STT3B: variants seen among roughly 807,000 people sequenced by gnomAD.
STT3B encodes the protein dolichyl-diphosphooligosaccharide--protein glycosyltransferase subunit STT3B.
A neutral mutation model predicts 96.8 loss-of-function variants in STT3B; 29 were observed. That is an observed-to-expected ratio of 0.30 (90% CI 0.22 to 0.41). STT3B has a LOEUF of 0.41. Ranked by LOEUF, STT3B falls within the 10% of genes least tolerant of loss-of-function variation. The pLI is 1.00. For missense variants in STT3B, 640 were observed against 1,022.3 expected (o/e 0.63, Z 5.10); for synonymous variants, 367 against 360.0 (o/e 1.02, Z -0.22).
At chr3:31,543,179 C>G (rs1697322808) in intron 1 of STT3B, among the ~76,000 whole-genome samples, 1 of 151,354 alleles carries the variant, frequency 6.6e-6, no homozygotes, top group African/African-American at 2.4e-5. Flanking sequence ...TTTATTAATA[C>G]AAAACAAACT....
chr3:31,626,408 T>C (rs1327821173), intron 13 of STT3B, among the ~76,000 whole-genome samples: 1 of 152,178 alleles, frequency 6.6e-6, no homozygotes, highest in Non-Finnish European at 1.5e-5. Flanking sequence ...ATCCCTTTCT[T>C]TCCATTTCCA....
chr3:31,605,595 G>A (rs1699033066), intron 5 of STT3B, among the ~76,000 whole-genome samples: 1 of 152,144 alleles, frequency 6.6e-6, no homozygotes. Flanking sequence ...TGTAAGATGT[G>A]CCTTTCACCT....
intron 5 of STT3B, among the ~76,000 whole-genome samples, chr3:31,602,555 A>G (rs1021819193): frequency 1.3e-5 from 2 of 152,110 alleles, no homozygotes; most frequent in Non-Finnish European, 2.9e-5. Context: ...AGTATATTCT[A>G]CATAAAAGTT....
intron 5 of STT3B, among the ~76,000 whole-genome samples, chr3:31,601,312 C>T (rs1188920617): frequency 2.0e-5 from 3 of 152,114 alleles, no homozygotes; most frequent in Non-Finnish European, 4.4e-5. Flanking sequence ...AAATGTCTAT[C>T]AGCTTTATGA....
chr3:31,612,894 T>C (rs1699216772), intron 5 of STT3B, among the ~76,000 whole-genome samples: 1 of 152,212 alleles, frequency 6.6e-6, no homozygotes. Context: ...ATATACCTGC[T>C]AGTGATTATT....
Position 31,552,150 on chromosome 3 carries a change from G to T in STT3B, c.314+18838G>T, listed in dbSNP as rs572552023. 2.8e-3 allele frequency among the ~76,000 whole-genome samples: 434 copies of T among 152,286 alleles called. 5 individuals carry two copies. The highest frequency in any genetic ancestry group is 9.9e-3 in the African/African-American group (412 of 41,554). Reference sequence around the variant, plus strand: ...GCTATGATAGAATTAGTATATGTTGGTTTAAGCCACTGAGTTTGTTTAAAA... The same window carrying T: ...GCTATGATAGAATTAGTATATGTTGTTTTAAGCCACTGAGTTTGTTTAAAA... On this transcript the variant is annotated intron_variant, in intron 1 of 15. Coordinates refer to ENST00000295770, the MANE Select transcript of STT3B (RefSeq NM_178862.3).
intron 1 of STT3B, among the ~76,000 whole-genome samples, chr3:31,552,716 C>A (rs1318636955): frequency 6.6e-6 from 1 of 152,182 alleles, no homozygotes; most frequent in Non-Finnish European, 1.5e-5. Flanking sequence ...TAGAAGCCAT[C>A]CACGAGTCCT....
rs2125475838 is a variant in STT3B, at chr3:31,622,295, A to G, written c.1526A>G (p.Asn509Ser). 6.2e-7 allele frequency: 1 copy of G among 1,613,938 alleles called. No homozygotes were observed. The part of the protein sequence containing the change: ...SDEDDKRNQG[N>S]LYDKAGKVRK... ...GAGGATGACAAAAGAAACCAAGGAA[A>G]TTTGTATGATAAGGTGGGGAATCTA... is the stretch of plus-strand genomic sequence containing the variant. The change falls in exon 10 of 16, where the codon AAT becomes AGT. Residue 509 changes from asparagine to serine, a missense_variant. Coordinates refer to ENST00000295770, the MANE Select transcript of STT3B (RefSeq NM_178862.3).
intron 6 of STT3B, among the ~76,000 whole-genome samples, chr3:31,616,251 A>G (rs1415543931): frequency 6.6e-6 from 1 of 151,912 alleles, no homozygotes; most frequent in Non-Finnish European, 1.5e-5. Flanking sequence ...CTGTGTCTTC[A>G]TCTTTTCCTC....
chr3:31,553,029 G>A (rs1697605186), intron 1 of STT3B, among the ~76,000 whole-genome samples: 1 of 150,602 alleles, frequency 6.6e-6, no homozygotes, highest in South Asian at 2.1e-4. Context: ...GTGAACCCGG[G>A]AGGCGGAGCT....
At chr3:31,635,864 G>A in intron 15 of STT3B, 120 bp from the exon 16 acceptor site, 1 of 645,478 alleles carries the variant, frequency 1.5e-6, no homozygotes, top group South Asian at 2.6e-5. Flanking sequence ...AAGGAATCCA[G>A]TCACAAGAAG....
At chr3:31,635,931 T>G in intron 15 of STT3B, 53 bp from the exon 16 acceptor site, 4 of 1,374,208 alleles carry the variant, frequency 2.9e-6, no homozygotes, top group Non-Finnish European at 4.0e-6. Context: ...GTTTATAGAT[T>G]TTTTAATCAG....
intron 9 of STT3B, 47 bp from the exon 10 acceptor site, chr3:31,622,050 G>C (rs755205429): frequency 1.3e-6 from 2 of 1,509,510 alleles, no homozygotes; most frequent in Non-Finnish European, 1.8e-6. Flanking sequence ...TCAGTTTCCT[G>C]GGAACTTTTT....
At chr3:31,588,201 C>G (rs543124322) in intron 3 of STT3B, among the ~76,000 whole-genome samples, 88 of 152,164 alleles carry the variant, frequency 5.8e-4, no homozygotes, top group Admixed American at 9.2e-4. Flanking sequence ...ATACTACTTT[C>G]CAATAGAACT....
At chr3:31,629,489 G>A (rs2125479343) in intron 14 of STT3B, 78 bp downstream of exon 14, 3 of 713,886 alleles carry the variant, frequency 4.2e-6, no homozygotes, top group East Asian at 2.9e-5. Flanking sequence ...TAGAAAACAG[G>A]ATAATGATAT....
chr3:31,575,339 T>C (rs759077535), intron 1 of STT3B, among the ~76,000 whole-genome samples: 17 of 152,098 alleles, frequency 1.1e-4, no homozygotes, highest in Non-Finnish European at 2.1e-4. Context: ...AGAGTTAATA[T>C]AACTCTGGGT....
At chr3:31,559,189 GT>G (rs1697801776) in intron 1 of STT3B, among the ~76,000 whole-genome samples, 1 of 102,750 alleles carries the variant, frequency 9.7e-6, no homozygotes, top group African/African-American at 3.5e-5. Flanking sequence ...GTGTGTGTGT[GT>G]TGTCTCTTTC....
chr3:31,607,241 A>G (rs1263379724), intron 5 of STT3B, among the ~76,000 whole-genome samples: 1 of 151,950 alleles, frequency 6.6e-6, no homozygotes, highest in Non-Finnish European at 1.5e-5. Context: ...AAGACTTGGG[A>G]CTATTGGGGG....
intron 3 of STT3B, among the ~76,000 whole-genome samples, chr3:31,593,284 C>G (rs993424421): frequency 6.6e-6 from 1 of 152,158 alleles, no homozygotes; most frequent in Non-Finnish European, 1.5e-5. Flanking sequence ...TGTCATTCCA[C>G]TGCCTTCTGT....
Sources: gnomAD v4.1 joint callset for allele counts (sites outside exome capture counted in the v4.1 genomes callset) on GRCh38, gnomAD v4.1.1 for gene constraint, MANE v1.5 for transcripts, NCBI Gene and HGNC (gene_info 2026-07-23, HGNC 2026-07-21) for gene names.